The following TUT4 variants were observed in gnomAD, a reference collection of about 807,000 sequenced individuals.
The protein encoded by TUT4 is terminal uridylyl transferase 4.
TUT4 carries 36 observed loss-of-function variants against 192.2 expected under a neutral mutation model. The ratio of observed to expected loss-of-function variants is 0.19; its 90% CI spans 0.14 to 0.25. The LOEUF is 0.25. TUT4 is among the 10% of genes least tolerant of loss of function. TUT4 has a pLI of 1.00. For synonymous variants in TUT4, 618 were observed against 666.0 expected, an observed-to-expected ratio of 0.93 and a Z score of 1.11; for missense variants, 1,493 against 1,957.2, an observed-to-expected ratio of 0.76 and a Z score of 4.47.
Position 52,525,671 on chromosome 1 carries a change from A to G in TUT4, c.610T>C (p.Cys204Arg), listed in dbSNP as rs1681567864. 2 of 1,614,076 alleles carry G rather than the reference A, an allele frequency of 1.2e-6. No homozygotes were observed. The highest frequency in any genetic ancestry group is 2.2e-5 in the East Asian group (1 of 44,864). ...VNIEAVGGEK[C>R]ALQNSPRSQK... ...GATCGTGGTGAGTTTTGCAGAGCAC[A>G]TTTTTCTCCCCCTACAGCTTCAATA... The change falls in exon 2 of 30, where the codon TGT becomes CGT. Residue 204 changes from cysteine to arginine, a missense_variant. Physicochemically the swap from Cys to Arg is radical, Grantham distance 180 (BLOSUM62 -3). Around this residue, in one of 7 missense-constraint regions of TUT4, gnomAD observed 260 missense variants for 247.8 expected, o/e 1.05. Coordinates refer to ENST00000257177, the MANE Select transcript of TUT4 (RefSeq NM_001009881.3).
At chr1:52,459,324 C>T (rs1661863781) in intron 19 of TUT4, among the ~76,000 whole-genome samples, 1 of 151,568 alleles carries the variant, frequency 6.6e-6, no homozygotes, top group East Asian at 2.0e-4. Context: ...CATGGTGGCT[C>T]ATGCCTGTCA....
At chr1:52,521,607 G>C (rs1280653225) in intron 2 of TUT4, among the ~76,000 whole-genome samples, 1 of 152,098 alleles carries the variant, frequency 6.6e-6, no homozygotes, top group Non-Finnish European at 1.5e-5. Flanking sequence ...AGAAGTTACA[G>C]TGAGCTGTGA....
intron 4 of TUT4, among the ~76,000 whole-genome samples, chr1:52,508,485 A>G (rs2149292721): frequency 6.6e-6 from 1 of 152,312 alleles, no homozygotes; most frequent in Admixed American, 6.5e-5. Context: ...TGTTTTCAAG[A>G]AAACTATGTT....
At chr1:52,546,209 C>A (rs954450009) in intron 1 of TUT4, among the ~76,000 whole-genome samples, 2 of 151,936 alleles carry the variant, frequency 1.3e-5, no homozygotes, top group Non-Finnish European at 2.9e-5. Context: ...TGGGTATATA[C>A]CAAAAAAATT....
At position 52,523,435 on chromosome 1, in the gene TUT4, G is replaced by A. The variant is rs537303269; in HGVS notation, c.718+2128C>T. ...AGCTTAGCCAACACAGTGAAACCCA[G>A]TCTCTACTAAAAATATAGAATTAGC... On this transcript the variant is annotated intron_variant, in intron 2 of 29. Transcript: ENST00000257177. Among the ~76,000 whole-genome samples the A allele has an allele frequency of 1.3e-4, 20 of 152,214 alleles. No individual in the cohort carries two copies. In the South Asian group the frequency reaches 3.9e-3, roughly 30 times the overall value.
intron 1 of TUT4, among the ~76,000 whole-genome samples, chr1:52,526,981 G>A (rs893198234): frequency 3.3e-5 from 5 of 151,928 alleles, no homozygotes; most frequent in Admixed American, 3.3e-4. Flanking sequence ...CCAAGATCAT[G>A]CCATTGTACT....
intron 24 of TUT4, among the ~76,000 whole-genome samples, chr1:52,442,330 G>A (rs931683567): frequency 6.6e-6 from 1 of 152,026 alleles, no homozygotes; most frequent in Non-Finnish European, 1.5e-5. Context: ...CAAGAAAGAT[G>A]AAAGGACAGG....
chr1:52,491,623 G>A (rs113609407), intron 7 of TUT4, among the ~76,000 whole-genome samples: 10,197 of 152,180 alleles, frequency 0.067, 1,127 homozygotes, highest in African/African-American at 0.23. Flanking sequence ...GGAGGCAGAG[G>A]TTGAAGTGAG....
chr1:52,545,334 G>A (rs1011466303), intron 1 of TUT4, among the ~76,000 whole-genome samples: 9 of 149,642 alleles, frequency 6.0e-5, no homozygotes, highest in Non-Finnish European at 1.2e-4. Context: ...CCAAGATTGC[G>A]CCACTGCTCT....
chr1:52,519,051 T>C (rs192729088), intron 2 of TUT4, among the ~76,000 whole-genome samples: 1 of 152,034 alleles, frequency 6.6e-6, no homozygotes, highest in Non-Finnish European at 1.5e-5. Context: ...AAAACATACA[T>C]CCACACAAAA....
intron 1 of TUT4, among the ~76,000 whole-genome samples, chr1:52,534,685 T>C (rs1360442673): frequency 6.8e-6 from 1 of 146,696 alleles, no homozygotes; most frequent in African/African-American, 2.5e-5. Context: ...AAACCCTGTC[T>C]CTACAAAAAA....
chr1:52,434,280 G>C (rs1399039717), intron 27 of TUT4: 1 of 152,198 alleles, frequency 6.6e-6, no homozygotes, highest in Non-Finnish European at 1.5e-5. Context: ...GATTTAGCAT[G>C]TTAAACGGTT....
chr1:52,483,736 G>T (rs964424299), intron 9 of TUT4, among the ~76,000 whole-genome samples: 1 of 152,156 alleles, frequency 6.6e-6, no homozygotes, highest in Non-Finnish European at 1.5e-5. Flanking sequence ...CTTGAACCCA[G>T]GAGGTAGAGG....
intron 19 of TUT4, among the ~76,000 whole-genome samples, chr1:52,459,944 G>A (rs1662111218): frequency 6.6e-6 from 1 of 151,904 alleles, no homozygotes; most frequent in Non-Finnish European, 1.5e-5. Flanking sequence ...AGGAGAGGGA[G>A]GAGGAATGAA....
At chr1:52,466,381 G>T (rs1198564101) in intron 15 of TUT4, among the ~76,000 whole-genome samples, 1 of 151,882 alleles carries the variant, frequency 6.6e-6, no homozygotes, top group Non-Finnish European at 1.5e-5. Context: ...GGTGGCTCAT[G>T]CCTGTAATCC....
chr1:52,518,405 T>C (rs563248094), intron 2 of TUT4, among the ~76,000 whole-genome samples: 18 of 152,316 alleles, frequency 1.2e-4, no homozygotes, highest in East Asian at 1.9e-4. Flanking sequence ...CTCTCCTGGG[T>C]TGCAAACAGC....
rs61668654 is a variant in TUT4 at position 52,445,029 on chromosome 1, G to GTATA, written c.3822+754_3822+757dup. Reference sequence around the variant, plus strand: ...TGTGTGTATATATATGTATATATGTGTATATATATATGTGTGTGTGTGTCT... The same window carrying GTATA: ...TGTGTGTATATATATGTATATATGTGTATATATATATATATGTGTGTGTGTGTCT... On this transcript the variant is annotated intron_variant, in intron 24 of 29. Transcript: ENST00000257177. 5.6e-3 allele frequency among the ~76,000 whole-genome samples: 826 copies of GTATA among 147,176 alleles called. 11 individuals are homozygous for GTATA. The highest frequency in any genetic ancestry group is 0.019 in the African/African-American group (751 of 39,118).
At chr1:52,443,365 G>A (rs1318248774) in intron 24 of TUT4, among the ~76,000 whole-genome samples, 1 of 151,738 alleles carries the variant, frequency 6.6e-6, no homozygotes, top group Non-Finnish European at 1.5e-5. Context: ...GAGATGGGCG[G>A]ATCACCTGAT....
intron 24 of TUT4, among the ~76,000 whole-genome samples, chr1:52,439,089 A>AG (rs963980024): frequency 4.0e-5 from 6 of 151,074 alleles, no homozygotes; most frequent in African/African-American, 1.2e-4. Flanking sequence ...AAAAAAAAAA[A>AG]AAGTCTGTAG....
Sources: allele counts gnomAD v4.1 joint callset (sites outside exome capture counted in the v4.1 genomes callset), GRCh38; gene constraint gnomAD v4.1.1; regional missense constraint gnomAD v4.1.1; transcripts MANE v1.5; gene names NCBI Gene and HGNC (gene_info 2026-07-23, HGNC 2026-07-21).